IGF2BP2: variants seen among roughly 807,000 people sequenced by gnomAD.
IGF2BP2 encodes insulin-like growth factor 2 mRNA-binding protein 2.
In IGF2BP2, 17 loss-of-function variants were observed where a neutral mutation model predicts 75.8. The observed-to-expected ratio is 0.22, with a 90% CI of 0.15 to 0.34. The LOEUF (loss-of-function observed/expected upper bound fraction) is 0.34. Among genes scored for constraint, IGF2BP2 ranks in the 10% least tolerant of loss-of-function variants. IGF2BP2 has a pLI of 1.00. For missense variants in IGF2BP2, 516 were observed against 772.4 expected (o/e 0.67, Z 3.93); for synonymous variants, 288 against 295.6 (o/e 0.97, Z 0.26).
At chr3:185,810,782 ACAAC>A (rs752756529) in intron 2 of IGF2BP2, among the ~76,000 whole-genome samples, 7 of 146,718 alleles carry the variant, frequency 4.8e-5, no homozygotes, top group Admixed American at 6.8e-5. Context: ...AAAAAAAAAA[ACAAC>A]AAAAAACAAA....
At chr3:185,761,041 T>C (rs1355285427) in intron 2 of IGF2BP2, among the ~76,000 whole-genome samples, 1 of 152,200 alleles carries the variant, frequency 6.6e-6, no homozygotes, top group Non-Finnish European at 1.5e-5. Context: ...AATGAATGCA[T>C]AACATTTATC....
chr3:185,665,920 T>C (rs975978852), intron 10 of IGF2BP2, among the ~76,000 whole-genome samples: 4 of 152,036 alleles, frequency 2.6e-5, no homozygotes, highest in Non-Finnish European at 4.4e-5. Context: ...TGAGCCAAAA[T>C]TGCACCAGTG....
intron 4 of IGF2BP2, among the ~76,000 whole-genome samples, chr3:185,695,439 T>C (rs898354237): frequency 4.6e-5 from 7 of 152,188 alleles, no homozygotes; most frequent in African/African-American, 1.2e-4. Flanking sequence ...TCTCTCTCAA[T>C]TTGACACTTG....
chr3:185,732,667 C>T (rs1258461066), intron 2 of IGF2BP2, among the ~76,000 whole-genome samples: 1 of 152,082 alleles, frequency 6.6e-6, no homozygotes, highest in Non-Finnish European at 1.5e-5. Flanking sequence ...TTTTAAGCAA[C>T]CAGGTTGGAA....
intron 10 of IGF2BP2, among the ~76,000 whole-genome samples, chr3:185,666,930 A>ATT (rs1433002241): frequency 6.6e-6 from 1 of 152,224 alleles, no homozygotes; most frequent in African/African-American, 2.4e-5. Flanking sequence ...AGAAAATTCC[A>ATT]ATCTTTTCTT....
chr3:185,650,610 G>A (rs1459315623), intron 13 of IGF2BP2, among the ~76,000 whole-genome samples: 3 of 152,008 alleles, frequency 2.0e-5, no homozygotes, highest in Non-Finnish European at 4.4e-5. Context: ...CCGAGAGATG[G>A]AGGTTGCAGT....
chr3:185,668,508 GAT>G lies in IGF2BP2; in HGVS notation c.1200+4031_1200+4032del, dbSNP rs755033940. Reference sequence around the variant, plus strand: ...TGTTCGAGAGAGAGAGAGAGAGAGAGATATATATATATATATATATATATAGT... The same window carrying G: ...TGTTCGAGAGAGAGAGAGAGAGAGAGATATATATATATATATATATATAGT... On this transcript the variant is annotated intron_variant, in intron 10 of 15. Coordinates refer to ENST00000382199, the MANE Select transcript of IGF2BP2 (RefSeq NM_006548.6). Among the ~76,000 whole-genome samples the G allele has an allele frequency of 7.3e-3, 923 of 125,706 alleles. 4 individuals are homozygous for G. The highest frequency in any genetic ancestry group is 0.011 in the Non-Finnish European group (649 of 60,894). The allele number at this position is 125,706 out of a possible 152,430, so 82.5% of individuals were successfully genotyped here.
intron 7 of IGF2BP2, among the ~76,000 whole-genome samples, chr3:185,677,051 A>ATT (rs1211224914): frequency 2.9e-3 from 143 of 49,624 alleles, no homozygotes; most frequent in East Asian, 6.6e-3. Context: ...GGAGATATAT[A>ATT]TATATATATA....
intron 2 of IGF2BP2, among the ~76,000 whole-genome samples, chr3:185,730,428 CTTTTTTTTTTTTT>C (rs71632076): frequency 1.0e-5 from 1 of 96,764 alleles, no homozygotes; most frequent in Non-Finnish European, 2.0e-5. Context: ...GCGCAGGTGT[CTTTTTTTTTTTTT>C]TTTTTTTTTT....
chr3:185,780,085 G>A (rs980553777), intron 2 of IGF2BP2, among the ~76,000 whole-genome samples: 1 of 152,148 alleles, frequency 6.6e-6, no homozygotes, highest in Non-Finnish European at 1.5e-5. Context: ...CATGTTGCGT[G>A]AAAAAAGCCA....
intron 1 of IGF2BP2, among the ~76,000 whole-genome samples, chr3:185,823,897 T>A (rs1426888677): frequency 6.6e-6 from 1 of 151,348 alleles, no homozygotes; most frequent in Non-Finnish European, 1.5e-5. Context: ...CCGTCTCCTG[T>A]CTGGGCTCCA....
At chr3:185,813,062 G>A (rs200475592) in intron 2 of IGF2BP2, among the ~76,000 whole-genome samples, 1 of 152,064 alleles carries the variant, frequency 6.6e-6, no homozygotes, top group Non-Finnish European at 1.5e-5. Context: ...CAACACTCTC[G>A]TGATGTAGAA....
At chr3:185,709,641 C>G (rs1224144576) in intron 2 of IGF2BP2, among the ~76,000 whole-genome samples, 1 of 152,320 alleles carries the variant, frequency 6.6e-6, no homozygotes, top group Non-Finnish European at 1.5e-5. Flanking sequence ...TATTCATGAT[C>G]GTCATGGTGA....
intron 2 of IGF2BP2, among the ~76,000 whole-genome samples, chr3:185,729,111 T>C (rs1727780809): frequency 6.6e-6 from 1 of 152,186 alleles, no homozygotes; most frequent in African/African-American, 2.4e-5. Context: ...CTGCTTTTTT[T>C]TTTTCCACAA....
chr3:185,801,489 CAAAAAAAA>C (rs35823870), intron 2 of IGF2BP2, among the ~76,000 whole-genome samples: 2 of 51,664 alleles, frequency 3.9e-5, no homozygotes, highest in Non-Finnish European at 8.2e-5. Context: ...AACTCCATCT[CAAAAAAAA>C]AAAAAAAAAA....
At chr3:185,751,650 A>G (rs1408317057) in intron 2 of IGF2BP2, among the ~76,000 whole-genome samples, 1 of 150,646 alleles carries the variant, frequency 6.6e-6, no homozygotes, top group African/African-American at 2.4e-5. Context: ...CATCTCAAAA[A>G]AAAGAAAAGA....
At chr3:185,772,487 C>T (rs1233433000) in intron 2 of IGF2BP2, among the ~76,000 whole-genome samples, 3 of 151,970 alleles carry the variant, frequency 2.0e-5, no homozygotes, top group East Asian at 1.9e-4. Context: ...AGTACTACAA[C>T]GGCTGTACAT....
chr3:185,725,640 G>A (rs1727220024), intron 2 of IGF2BP2, among the ~76,000 whole-genome samples: 1 of 152,134 alleles, frequency 6.6e-6, no homozygotes, highest in South Asian at 2.1e-4. Context: ...TTTGCATGAT[G>A]TCAGTATAAT....
At chr3:185,761,666 C>T (rs944852913) in intron 2 of IGF2BP2, among the ~76,000 whole-genome samples, 4 of 152,206 alleles carry the variant, frequency 2.6e-5, no homozygotes, top group African/African-American at 4.8e-5. Flanking sequence ...TAGAGTTCAA[C>T]AAAACTCTTC....
Sources: allele counts gnomAD v4.1 joint callset (sites outside exome capture counted in the v4.1 genomes callset), GRCh38; gene constraint gnomAD v4.1.1; transcripts MANE v1.5; gene names NCBI Gene and HGNC (gene_info 2026-07-23, HGNC 2026-07-21).